The following PCDHA12 variants were observed in gnomAD, a reference collection of about 807,000 sequenced individuals.
PCDHA12 encodes the protein protocadherin alpha 12, also known as protocadherin alpha-12.
A neutral mutation model predicts 60.0 loss-of-function variants in PCDHA12; 44 were observed. The ratio of observed to expected loss-of-function variants is 0.73; its 90% confidence interval spans 0.58 to 0.94. PCDHA12 has a LOEUF of 0.94. Among genes scored for constraint, PCDHA12 ranks in the 40% least tolerant of loss-of-function variants. PCDHA12 has a pLI of 0.00. For synonymous variants in PCDHA12, 569 were observed against 553.0 expected, an observed-to-expected ratio of 1.03 and a Z score of -0.40; for missense variants, 1,276 against 1,239.7, an observed-to-expected ratio of 1.03 and a Z score of -0.44.
intron 1 of PCDHA12, among the ~76,000 whole-genome samples, chr5:140,950,903 T>C (rs2094530592): frequency 6.6e-6 from 1 of 152,024 alleles, no homozygotes; most frequent in South Asian, 2.1e-4. Context: ...TTTATTTTAT[T>C]TTTATTTTAT....
chr5:140,961,028 C>T (rs889602727), intron 1 of PCDHA12, among the ~76,000 whole-genome samples: 2 of 152,146 alleles, frequency 1.3e-5, no homozygotes, highest in African/African-American at 4.8e-5. Context: ...TTGCTACCTC[C>T]TTGTTTTGAG....
chr5:140,957,597 A>G (rs1036559943), intron 1 of PCDHA12, among the ~76,000 whole-genome samples: 4 of 152,168 alleles, frequency 2.6e-5, no homozygotes, highest in Non-Finnish European at 5.9e-5. Context: ...ACTTCCCAGA[A>G]TAAACACACA....
chr5:140,981,883 C>T (rs1488792007), intron 2 of PCDHA12, among the ~76,000 whole-genome samples: 1 of 152,146 alleles, frequency 6.6e-6, no homozygotes, highest in Non-Finnish European at 1.5e-5. Context: ...GAATTAATCT[C>T]TTCTGAGCGG....
chr5:140,995,367 T>G (rs2153932865), intron 3 of PCDHA12, among the ~76,000 whole-genome samples: 1 of 152,280 alleles, frequency 6.6e-6, no homozygotes, highest in East Asian at 1.9e-4. Context: ...AGAGGGATGA[T>G]TCACGTACTG....
chr5:140,884,439 C>G (rs1554181562), intron 1 of PCDHA12: 2 of 1,613,818 alleles, frequency 1.2e-6, no homozygotes, highest in East Asian at 2.2e-5. Context: ...CTGCGGTGCT[C>G]GGCACCGCCC....
In PCDHA12 at chr5:141,002,220, G is replaced by GC. The variant is rs1319895049; in HGVS notation, c.2516-7407_2516-7406insC. ...AGTCCCCGGCTTTAATCAAAATGAT[G>GC]GGTTTTCTGGAAGCTCTTTATTAAC... On this transcript the variant is annotated intron_variant, in intron 3 of 3. Coordinates refer to ENST00000398631, the MANE Select transcript of PCDHA12 (RefSeq NM_018903.4). Among the ~76,000 whole-genome samples, 33 of 152,196 alleles carry GC rather than the reference G, an allele frequency of 2.2e-4. 1 individual carries two copies. Among genetic ancestry groups the GC allele is most frequent in the Admixed American group, 1.0e-3 (16 of 15,274 alleles).
intron 3 of PCDHA12, among the ~76,000 whole-genome samples, chr5:140,995,211 A>G (rs529613370): frequency 2.6e-5 from 4 of 152,188 alleles, no homozygotes; most frequent in Non-Finnish European, 4.4e-5. Context: ...ATTAGGCACA[A>G]TACTCTTGTG....
intron 1 of PCDHA12, chr5:140,966,584 G>C (rs1227691524): frequency 7.4e-6 from 4 of 541,586 alleles, no homozygotes; most frequent in African/African-American, 6.0e-5. Context: ...CAGCGAGGAC[G>C]GTGGGGCCAG....
At chr5:140,946,868 T>C (rs1468330981) in intron 1 of PCDHA12, among the ~76,000 whole-genome samples, 1 of 151,412 alleles carries the variant, frequency 6.6e-6, no homozygotes, top group Admixed American at 6.6e-5. Context: ...GAGAGGTTGG[T>C]CAATGGGTAC....
At chr5:140,915,781 A>C (rs2153536351) in intron 1 of PCDHA12, among the ~76,000 whole-genome samples, 1 of 152,104 alleles carries the variant, frequency 6.6e-6, no homozygotes, top group South Asian at 2.1e-4. Flanking sequence ...GGCCTGCTGT[A>C]ACCACTACCT....
At chr5:140,926,879 C>T (rs1554203752) in intron 1 of PCDHA12, 1 of 1,534,362 alleles carries the variant, frequency 6.5e-7, no homozygotes, top group African/African-American at 1.4e-5. Context: ...GGAACGTGGA[C>T]GCCTAGAGGG....
At chr5:140,882,339 G>A (rs1554173610) in intron 1 of PCDHA12, 1 of 1,614,162 alleles carries the variant, frequency 6.2e-7, no homozygotes, top group Admixed American at 1.7e-5. Flanking sequence ...CTCGCAGCCT[G>A]GGAGACGGGT....
intron 1 of PCDHA12, chr5:140,884,328 T>C: frequency 1.2e-6 from 2 of 1,613,822 alleles, no homozygotes; most frequent in Non-Finnish European, 1.7e-6. Flanking sequence ...GCAGGCGCTG[T>C]GGGTCCAGAA....
intron 1 of PCDHA12, among the ~76,000 whole-genome samples, chr5:140,919,051 T>G (rs1443609855): frequency 1.3e-5 from 2 of 152,238 alleles, no homozygotes; most frequent in Non-Finnish European, 2.9e-5. Flanking sequence ...TTATTGGAAG[T>G]GGAGTATTAA....
chr5:140,983,334 T>A (rs1314550664), intron 3 of PCDHA12, among the ~76,000 whole-genome samples: 1 of 152,234 alleles, frequency 6.6e-6, no homozygotes, highest in African/African-American at 2.4e-5. Context: ...GCCCTATCAC[T>A]AAAGCAGGGT....
At chr5:140,931,744 C>G (rs2087714665) in intron 1 of PCDHA12, among the ~76,000 whole-genome samples, 5 of 151,904 alleles carry the variant, frequency 3.3e-5, no homozygotes, top group Admixed American at 3.3e-4. Flanking sequence ...TTGTAATTCA[C>G]AAAGGCATTT....
At chr5:140,906,278 C>A (rs546102354) in intron 1 of PCDHA12, among the ~76,000 whole-genome samples, 1 of 152,152 alleles carries the variant, frequency 6.6e-6, no homozygotes, top group Admixed American at 6.6e-5. Flanking sequence ...AGATAATCTT[C>A]AAATTAAGAC....
chr5:140,982,789 G>A (rs894929116), intron 3 of PCDHA12, among the ~76,000 whole-genome samples: 3 of 151,400 alleles, frequency 2.0e-5, no homozygotes, highest in Admixed American at 6.5e-5. Context: ...GTGCACGCAT[G>A]TGTGCATGTG....
At chr5:140,924,911 TAAAATA>T (rs1563069196) in intron 1 of PCDHA12, among the ~76,000 whole-genome samples, 7 of 59,704 alleles carry the variant, frequency 1.2e-4, no homozygotes, top group Non-Finnish European at 2.5e-4. Flanking sequence ...AAAAATAAAA[TAAAATA>T]AAATAAAATA....
Sources: allele counts gnomAD v4.1 joint callset (sites outside exome capture counted in the v4.1 genomes callset), GRCh38; gene constraint gnomAD v4.1.1; transcripts MANE v1.5; gene names NCBI Gene and HGNC (gene_info 2026-07-23, HGNC 2026-07-21).